The following UACA variants were observed in gnomAD, a reference collection of about 807,000 sequenced individuals.
The protein encoded by UACA is nuclear membrane binding protein.
UACA carries 112 observed loss-of-function variants against 160.5 expected under a neutral mutation model. The ratio of observed to expected loss-of-function variants is 0.70; its 90% CI spans 0.60 to 0.82. The LOEUF is 0.82. Ranked by LOEUF, UACA falls within the 40% of genes least tolerant of loss-of-function variation. The pLI, the probability that UACA is intolerant of heterozygous loss-of-function variation, is 0.00. For synonymous variants in UACA, 557 were observed against 568.4 expected (o/e 0.98, Z 0.29); for missense variants, 1,574 against 1,614.6 (o/e 0.97, Z 0.43).
chr15:70,760,426 A>G (rs1781624266), intron 1 of UACA, among the ~76,000 whole-genome samples: 2 of 152,234 alleles, frequency 1.3e-5, no homozygotes, highest in African/African-American at 2.4e-5. Flanking sequence ...CAATTAAGAA[A>G]TAATATTATT....
At chr15:70,765,913 G>A (rs1186728476), upstream of UACA, among the ~76,000 whole-genome samples, 1 of 152,150 alleles carries the variant, frequency 6.6e-6, no homozygotes, top group Non-Finnish European at 1.5e-5. Context: ...TCAGTAATTG[G>A]CTCTTGAGTT....
At chr15:70,769,807 G>T in the UACA span, among the ~76,000 whole-genome samples, 1 of 152,064 alleles carries the variant, frequency 6.6e-6, no homozygotes, top group Admixed American at 6.6e-5. Flanking sequence ...GACCAGCCTG[G>T]CCAATATGGT....
At chr15:70,658,546 T>G (rs562500783) in intron 18 of UACA, among the ~76,000 whole-genome samples, 1 of 152,334 alleles carries the variant, frequency 6.6e-6, no homozygotes, top group South Asian at 2.1e-4. Context: ...ATGTTCTTAT[T>G]CATTTGCATC....
At chr15:70,663,923 G>A (rs1337725520) in intron 17 of UACA, among the ~76,000 whole-genome samples, 1 of 151,842 alleles carries the variant, frequency 6.6e-6, no homozygotes, top group African/African-American at 2.4e-5. Flanking sequence ...AATGTTAAAT[G>A]ACGAGTTAAT....
intron 2 of UACA, among the ~76,000 whole-genome samples, chr15:70,698,856 C>G (rs183219341): frequency 1.3e-5 from 2 of 152,110 alleles, no homozygotes; most frequent in African/African-American, 4.8e-5. Context: ...CCACCTACAA[C>G]AAGAAGGAAA....
At chr15:70,674,422 G>A (rs2140916710) in intron 13 of UACA, among the ~76,000 whole-genome samples, 1 of 152,222 alleles carries the variant, frequency 6.6e-6, no homozygotes, top group Non-Finnish European at 1.5e-5. Context: ...TCAGTCAGGT[G>A]CTAGCAGAGT....
intron 1 of UACA, 86 bp from the exon 2 acceptor site, chr15:70,699,746 C>G (rs761759402): frequency 2.0e-5 from 30 of 1,463,992 alleles, no homozygotes; most frequent in Non-Finnish European, 2.8e-5. Context: ...GAAAGGAAAG[C>G]AGTACTGCAT....
chr15:70,767,065 C>T (rs950093598), upstream of UACA, among the ~76,000 whole-genome samples: 2 of 151,130 alleles, frequency 1.3e-5, no homozygotes, highest in Non-Finnish European at 1.5e-5. Flanking sequence ...ATGGTGAAAC[C>T]CCGTCTCCAC....
At chr15:70,690,972 T>C (rs1897914060) in intron 4 of UACA, among the ~76,000 whole-genome samples, 1 of 152,198 alleles carries the variant, frequency 6.6e-6, no homozygotes, top group Non-Finnish European at 1.5e-5. Context: ...GTTATCTGTG[T>C]TTGAATAGAA....
At chr15:70,774,986 G>C in the UACA span, among the ~76,000 whole-genome samples, 2 of 152,080 alleles carry the variant, frequency 1.3e-5, no homozygotes, top group African/African-American at 4.8e-5. Context: ...TTGAGCCTGG[G>C]AGGCTGAGGC....
chr15:70,769,398 C>T, the UACA span, among the ~76,000 whole-genome samples: 26,768 of 149,566 alleles, frequency 0.18, 3,673 homozygotes, highest in African/African-American at 0.38. Context: ...GGAAATGACC[C>T]GAGCTTTATG....
At chr15:70,741,434 C>T (rs1899532206) in intron 1 of UACA, among the ~76,000 whole-genome samples, 1 of 152,064 alleles carries the variant, frequency 6.6e-6, no homozygotes, top group Admixed American at 6.6e-5. Context: ...ACTGGGGAGC[C>T]CAGCAGAAAG....
At chr15:70,762,135 G>A (rs1429159891) in intron 1 of UACA, among the ~76,000 whole-genome samples, 3 of 151,868 alleles carry the variant, frequency 2.0e-5, no homozygotes, top group East Asian at 1.9e-4. Flanking sequence ...CATCAATTAC[G>A]TCATCTGAAT....
intron 1 of UACA, among the ~76,000 whole-genome samples, chr15:70,724,965 C>G (rs891471675): frequency 1.3e-5 from 2 of 151,954 alleles, no homozygotes; most frequent in South Asian, 2.1e-4. Flanking sequence ...GTGGCAAGCA[C>G]CTTGTAGTCC....
chr15:70,684,846 T>G (rs1897652428), intron 7 of UACA, among the ~76,000 whole-genome samples: 1 of 152,170 alleles, frequency 6.6e-6, no homozygotes, highest in South Asian at 2.1e-4. Context: ...TAAAAACATT[T>G]GCTTTGTCTT....
the UACA span, among the ~76,000 whole-genome samples, chr15:70,774,501 G>C: frequency 6.9e-6 from 1 of 144,028 alleles, no homozygotes; most frequent in Non-Finnish European, 1.5e-5. Context: ...AGCCAAGATC[G>C]TGCCACTGCA....
At chr15:70,777,125 G>T in the UACA span, among the ~76,000 whole-genome samples, 2 of 152,306 alleles carry the variant, frequency 1.3e-5, no homozygotes, top group African/African-American at 4.8e-5. Context: ...AGATCTTGAA[G>T]GTTGAGCCAA....
chr15:70,665,573 T>G (rs1430658136), intron 16 of UACA, among the ~76,000 whole-genome samples: 1 of 151,252 alleles, frequency 6.6e-6, no homozygotes, highest in Non-Finnish European at 1.5e-5. Context: ...AGATACCATC[T>G]CCTCCCCCAC....
At chr15:70,704,697 G>C (rs1351847538) in intron 1 of UACA, among the ~76,000 whole-genome samples, 1 of 152,192 alleles carries the variant, frequency 6.6e-6, no homozygotes, top group Non-Finnish European at 1.5e-5. Flanking sequence ...CACCATGCAT[G>C]GTAGATGTTT....
Sources: allele counts gnomAD v4.1 joint callset (sites outside exome capture counted in the v4.1 genomes callset), GRCh38; gene constraint gnomAD v4.1.1; transcripts MANE v1.5; gene names NCBI Gene and HGNC (gene_info 2026-07-23, HGNC 2026-07-21).